Variants in DNAH7 observed in about 807,000 individuals in gnomAD.
DNAH7 encodes dynein axonemal heavy chain 7, also known as axonemal beta dynein heavy chain 7.
A neutral mutation model predicts 444.6 loss-of-function variants in DNAH7; 397 were observed. The ratio of observed to expected loss-of-function variants is 0.89; its 90% CI spans 0.82 to 0.97. The LOEUF is 0.97. DNAH7 is among the 50% of genes least tolerant of loss of function. The pLI is 0.00. For synonymous variants in DNAH7, 1,636 were observed against 1,624.4 expected, an observed-to-expected ratio of 1.01 and a Z score of -0.17; for missense variants, 4,902 against 4,800.8, an observed-to-expected ratio of 1.02 and a Z score of -0.62.
intron 5 of DNAH7, among the ~76,000 whole-genome samples, chr2:196,032,495 T>C (rs1469157856): frequency 2.0e-5 from 3 of 152,184 alleles, no homozygotes; most frequent in Non-Finnish European, 4.4e-5. Flanking sequence ...ACCAGGAGGT[T>C]ATCTGAACAG....
chr2:195,867,078 C>T (rs534282288), intron 40 of DNAH7, among the ~76,000 whole-genome samples: 15 of 152,248 alleles, frequency 9.9e-5, no homozygotes, highest in African/African-American at 2.2e-4. Flanking sequence ...TGCCCAGTCT[C>T]GGGTATGTCT....
At chr2:195,809,673 C>T in intron 52 of DNAH7, 72 bp downstream of exon 52, 3 of 1,305,268 alleles carry the variant, frequency 2.3e-6, no homozygotes, top group South Asian at 4.1e-5. Context: ...ATATATATTC[C>T]CATACAAATT....
At chr2:195,986,881 AAAT>A (rs1267929436) in intron 14 of DNAH7, among the ~76,000 whole-genome samples, 182 bp downstream of exon 14, 1 of 152,150 alleles carries the variant, frequency 6.6e-6, no homozygotes, top group African/African-American at 2.4e-5. Context: ...GTGGTGAAAA[AAAT>A]AATAAATACT....
intron 12 of DNAH7, 107 bp downstream of exon 12, chr2:196,000,597 T>C (rs1693973800): frequency 1.0e-6 from 1 of 971,150 alleles, no homozygotes; most frequent in African/African-American, 1.7e-5. Context: ...TAAGCCAACA[T>C]TATTATATTC....
intron 18 of DNAH7, among the ~76,000 whole-genome samples, chr2:195,958,279 A>G (rs1489804): frequency 0.093 from 14,227 of 152,194 alleles, 745 homozygotes; most frequent in African/African-American, 0.13. Context: ...GAAGATCTTC[A>G]TGATGATCCA....
intron 61 of DNAH7, among the ~76,000 whole-genome samples, chr2:195,770,307 T>C (rs1694774050): frequency 6.6e-6 from 1 of 152,240 alleles, no homozygotes; most frequent in Non-Finnish European, 1.5e-5. Context: ...CTTCAGTGCT[T>C]AAAACCCTCT....
intron 54 of DNAH7, among the ~76,000 whole-genome samples, chr2:195,802,831 T>C (rs934119272): frequency 4.6e-5 from 7 of 152,284 alleles, no homozygotes; most frequent in Admixed American, 3.9e-4. Flanking sequence ...ACCCCTTAAG[T>C]AATCTCTGGT....
chr2:196,047,430 G>T lies in DNAH7; in HGVS notation c.320C>A (p.Pro107Gln), dbSNP rs796723088. Reference protein sequence around the residue: ...PHQVDDSYVGPSTSKSKGKSP... With the variant: ...PHQVDDSYVGQSTSKSKGKSP... The stretch of plus-strand genomic sequence containing the variant: ...TTTGCCCTTTGATTTGGAAGTAGAT[G>T]GTCCAACATAACTATCATCAACTTG... Residue 107 changes from proline (P) to glutamine (Q), a missense_variant, in exon 5 of 65, where the codon CCA becomes CAA. Transcript: ENST00000312428. The T allele has an allele frequency of 1.2e-6, 2 of 1,603,100 alleles. No homozygotes were observed. Among genetic ancestry groups the T allele is most frequent in the Non-Finnish European group, 1.7e-6 (2 of 1,173,844 alleles).
chr2:195,955,237 A>G (rs1396924917), intron 19 of DNAH7, among the ~76,000 whole-genome samples: 4 of 152,144 alleles, frequency 2.6e-5, no homozygotes, highest in African/African-American at 9.7e-5. Context: ...TCAGCTTTCT[A>G]CATATGGCTA....
At chr2:195,751,619 G>A (rs374132461) in intron 63 of DNAH7, among the ~76,000 whole-genome samples, 18 of 152,232 alleles carry the variant, frequency 1.2e-4, no homozygotes, top group African/African-American at 3.4e-4. Context: ...TGAAATGGGC[G>A]GCTCCAACAG....
At chr2:195,828,145 G>A (rs554479865) in intron 48 of DNAH7, among the ~76,000 whole-genome samples, 3 of 152,088 alleles carry the variant, frequency 2.0e-5, no homozygotes, top group East Asian at 1.9e-4. Flanking sequence ...AAAAATTGAC[G>A]CATCTTAAAA....
intron 5 of DNAH7, among the ~76,000 whole-genome samples, chr2:196,028,386 A>G (rs896284053): frequency 2.0e-5 from 3 of 152,172 alleles, no homozygotes; most frequent in Admixed American, 6.5e-5. Context: ...TAAAATATGT[A>G]TGGTTATTTA....
chr2:195,966,664 C>A (rs1461264761), intron 17 of DNAH7, among the ~76,000 whole-genome samples: 1 of 152,090 alleles, frequency 6.6e-6, no homozygotes, highest in Non-Finnish European at 1.5e-5. Context: ...AATTGTCATA[C>A]CCTCTTGCTG....
At chr2:195,875,276 A>C (rs574779552) in intron 38 of DNAH7, among the ~76,000 whole-genome samples, 1 of 152,348 alleles carries the variant, frequency 6.6e-6, no homozygotes, top group Non-Finnish European at 1.5e-5. Context: ...TTGAAGCATT[A>C]AGGAATGACA....
intron 24 of DNAH7, among the ~76,000 whole-genome samples, chr2:195,913,376 C>T (rs1213967304): frequency 6.6e-6 from 1 of 151,956 alleles, no homozygotes. Context: ...GAAACAGCAT[C>T]CTATATCATA....
At chr2:195,873,739 A>G in intron 38 of DNAH7, 45 bp from the exon 39 acceptor site, 2 of 1,365,934 alleles carry the variant, frequency 1.5e-6, no homozygotes, top group Non-Finnish European at 1.9e-6. Flanking sequence ...ACTAGTATAT[A>G]CAAGAGTATT....
At position 196,010,600 on chromosome 2, in the gene DNAH7, A is replaced by G. The variant is rs544288351; in HGVS notation, c.989+2187T>C. 1.4e-3 allele frequency among the ~76,000 whole-genome samples: 209 copies of G among 152,342 alleles called. 2 individuals are homozygous for G. The highest frequency in any genetic ancestry group is 4.8e-3 in the African/African-American group (199 of 41,580). On this transcript the variant is annotated intron_variant, in intron 10 of 64. Transcript: ENST00000312428. ...TATACCCCAAATAAAGGAAATCAAT[A>G]TATCAAAGAGATAGCTGTACTCCCA...
intron 40 of DNAH7, among the ~76,000 whole-genome samples, chr2:195,868,082 T>C (rs1037318686): frequency 6.6e-6 from 1 of 150,956 alleles, no homozygotes; most frequent in African/African-American, 2.4e-5. Flanking sequence ...ACTGTTCTAT[T>C]ATTCATCTTT....
In DNAH7 at chr2:195,873,552, A is replaced by G. The variant is rs777976529; in HGVS notation, c.6413+16T>C. 1.1e-5 allele frequency: 14 copies of G among 1,301,744 alleles called. No individual in the cohort carries two copies. Among genetic ancestry groups the G allele is most frequent in the Non-Finnish European group, 1.4e-5 (14 of 987,900 alleles). The allele number at this position is 1,301,744 out of a possible 1,614,324, so 80.6% of individuals were successfully genotyped here. On this transcript the variant is annotated intron_variant, in intron 39 of 64. Transcript: ENST00000312428. ...ATACCTCCTAATTAAAAAAAAAACA[A>G]ATTTTGATTACTTACCAGATTTCTA...
Sources: gnomAD v4.1 joint callset for allele counts (sites outside exome capture counted in the v4.1 genomes callset) on GRCh38, gnomAD v4.1.1 for gene constraint, MANE v1.5 for transcripts, NCBI Gene and HGNC (gene_info 2026-07-23, HGNC 2026-07-21) for gene names.